Variants in LTBP1 observed in about 807,000 individuals in gnomAD.
The protein encoded by LTBP1 is latent-transforming growth factor beta-binding protein 1.
Under a neutral mutation model 207.6 loss-of-function variants are expected in LTBP1, and 129 were observed. The ratio of observed to expected loss-of-function variants is 0.62; its 90% CI spans 0.54 to 0.72. The LOEUF is 0.72. Among genes scored for constraint, LTBP1 ranks in the 30% least tolerant of loss-of-function variants. LTBP1 has a pLI of 0.00. For missense variants in LTBP1, 2,281 were observed against 2,217.2 expected (o/e 1.03, Z -0.58); for synonymous variants, 963 against 833.7 (o/e 1.16, Z -2.67).
chr2:33,084,452 C>T (rs2078630024), intron 3 of LTBP1, among the ~76,000 whole-genome samples: 1 of 152,096 alleles, frequency 6.6e-6, no homozygotes, highest in South Asian at 2.1e-4. Flanking sequence ...GCGTCTGTAG[C>T]AGTTCATGCA....
chr2:33,346,785 TA>T (rs1233671655), intron 25 of LTBP1, among the ~76,000 whole-genome samples: 1 of 152,088 alleles, frequency 6.6e-6, no homozygotes, highest in East Asian at 1.9e-4. Flanking sequence ...GGGCACATAC[TA>T]GTTTTGCAGT....
At chr2:33,058,231 CAT>C (rs560303629) in intron 3 of LTBP1, among the ~76,000 whole-genome samples, 62 of 152,242 alleles carry the variant, frequency 4.1e-4, no homozygotes, top group Non-Finnish European at 8.4e-4. Flanking sequence ...AAGTAATAAA[CAT>C]TGAGTAATAG....
chr2:33,277,170 A>G (rs533760826), intron 18 of LTBP1, among the ~76,000 whole-genome samples: 1 of 152,256 alleles, frequency 6.6e-6, no homozygotes, highest in South Asian at 2.1e-4. Context: ...GGGAGAGCTA[A>G]TTAGACATTT....
chr2:33,268,436 C>T (rs369788064), intron 15 of LTBP1, among the ~76,000 whole-genome samples: 17 of 152,250 alleles, frequency 1.1e-4, no homozygotes, highest in Admixed American at 5.2e-4. Flanking sequence ...TATATCTTTA[C>T]GATGGTGAAA....
chr2:33,079,013 C>A (rs1173928066), intron 3 of LTBP1, among the ~76,000 whole-genome samples: 2 of 151,974 alleles, frequency 1.3e-5, no homozygotes, highest in Non-Finnish European at 2.9e-5. Flanking sequence ...CGCACACCAC[C>A]ACGCCCAGCT....
At chr2:33,259,908 A>G (rs2092965179) in intron 13 of LTBP1, among the ~76,000 whole-genome samples, 1 of 152,210 alleles carries the variant, frequency 6.6e-6, no homozygotes, top group African/African-American at 2.4e-5. Context: ...AAGGGCATAA[A>G]TAGAATTCAA....
chr2:33,119,890 T>C (rs940045984), intron 4 of LTBP1, among the ~76,000 whole-genome samples: 2 of 152,166 alleles, frequency 1.3e-5, no homozygotes, highest in African/African-American at 2.4e-5. Context: ...ATATGTGACA[T>C]TTCTTAAAAA....
chr2:32,986,718 C>A (rs1000406576), intron 2 of LTBP1, among the ~76,000 whole-genome samples: 2 of 152,214 alleles, frequency 1.3e-5, no homozygotes, highest in Non-Finnish European at 2.9e-5. Context: ...TCTCTCTCAA[C>A]AAGTCTCAGC....
At chr2:33,196,781 A>G (rs943629062) in intron 7 of LTBP1, among the ~76,000 whole-genome samples, 14 of 152,230 alleles carry the variant, frequency 9.2e-5, no homozygotes, top group African/African-American at 3.4e-4. Context: ...CTTGATTAAT[A>G]TTAGGAAGGG....
At chr2:33,039,527 A>G (rs1360839241) in intron 3 of LTBP1, among the ~76,000 whole-genome samples, 1 of 152,202 alleles carries the variant, frequency 6.6e-6, no homozygotes, top group East Asian at 1.9e-4. Context: ...GTAACTTGGC[A>G]GCCTGCAGGG....
chr2:33,360,634 G>A lies in LTBP1; in HGVS notation c.4038G>A (p.Lys1346=), dbSNP rs1369135058. ...DVDVDQPKEE[K]KECYYNLNDA... ...ATGTAGATCAACCCAAAGAAGAAAA[G>A]AAAGAATGCTACTATAATCTCAATG... Residue 1346 remains lysine, a synonymous_variant, in exon 27 of 34, where the codon AAG becomes AAA. Transcript: ENST00000404816. The A allele has an allele frequency of 6.2e-7, 1 of 1,613,766 alleles. No homozygotes were observed. The highest frequency in any genetic ancestry group is 1.1e-5 in the South Asian group (1 of 91,060).
intron 22 of LTBP1, among the ~76,000 whole-genome samples, chr2:33,307,943 A>G (rs2094124465): frequency 6.6e-6 from 1 of 152,224 alleles, no homozygotes; most frequent in African/African-American, 2.4e-5. Context: ...GAAATTCGGT[A>G]TCACCGTACT....
chr2:33,174,247 C>T (rs1164334183), intron 5 of LTBP1, among the ~76,000 whole-genome samples: 24 of 144,432 alleles, frequency 1.7e-4, no homozygotes, highest in South Asian at 4.5e-4. Flanking sequence ...GATTGTATAT[C>T]TAGAAAACCC....
chr2:33,295,307 A>G (rs781092907), intron 20 of LTBP1, among the ~76,000 whole-genome samples: 6 of 152,214 alleles, frequency 3.9e-5, no homozygotes, highest in Admixed American at 1.3e-4. Context: ...CAGATGGATC[A>G]CCTGAAGTCA....
At chr2:32,981,441 C>G (rs1472715544) in intron 2 of LTBP1, among the ~76,000 whole-genome samples, 1 of 152,128 alleles carries the variant, frequency 6.6e-6, no homozygotes, top group Non-Finnish European at 1.5e-5. Flanking sequence ...TGTGATCTCA[C>G]TTTTGCTTTG....
intron 2 of LTBP1, among the ~76,000 whole-genome samples, chr2:32,963,336 C>G (rs1435615837): frequency 6.6e-6 from 1 of 151,828 alleles, no homozygotes; most frequent in Non-Finnish European, 1.5e-5. Flanking sequence ...CCCCGAGTAG[C>G]TAGGACTACA....
intron 3 of LTBP1, among the ~76,000 whole-genome samples, chr2:33,034,444 A>AT (rs2075824077): frequency 6.6e-6 from 1 of 152,136 alleles, no homozygotes; most frequent in South Asian, 2.1e-4. Context: ...TATATCAACT[A>AT]TTTATAAACT....
At chr2:33,158,618 TGA>T (rs10536431) in intron 5 of LTBP1, among the ~76,000 whole-genome samples, 72,514 of 151,812 alleles carry the variant, frequency 0.48, 18,031 homozygotes, top group Middle Eastern at 0.58. Context: ...AAAGGACCTA[TGA>T]GATTCATTGA....
chr2:33,275,223 C>G (rs2093401108), intron 17 of LTBP1, 133 bp downstream of exon 17: 1 of 1,046,884 alleles, frequency 9.6e-7, no homozygotes, highest in African/African-American at 1.6e-5. Context: ...CAGCAGTCTG[C>G]TAGATCCCAG....
Sources: allele counts gnomAD v4.1 joint callset (sites outside exome capture counted in the v4.1 genomes callset), GRCh38; gene constraint gnomAD v4.1.1; transcripts MANE v1.5; gene names NCBI Gene and HGNC (gene_info 2026-07-23, HGNC 2026-07-21).